KCNJ6: variants seen among roughly 807,000 people sequenced by gnomAD.
KCNJ6 encodes G protein-activated inward rectifier potassium channel 2.
A neutral mutation model predicts 34.2 loss-of-function variants in KCNJ6; 9 were observed. That is an observed-to-expected ratio of 0.26 (90% CI 0.16 to 0.46). KCNJ6 has a LOEUF of 0.46. KCNJ6 is among the 20% of genes least tolerant of loss of function. The pLI, the probability that KCNJ6 is intolerant of heterozygous loss-of-function variation, is 1.00. For synonymous variants in KCNJ6, 196 were observed against 207.1 expected, an observed-to-expected ratio of 0.95 and a Z score of 0.46; for missense variants, 236 against 531.3, an observed-to-expected ratio of 0.44 and a Z score of 5.46.
At chr21:37,634,226 G>A (rs1224152476) in intron 3 of KCNJ6, among the ~76,000 whole-genome samples, 1 of 152,188 alleles carries the variant, frequency 6.6e-6, no homozygotes, top group Admixed American at 6.5e-5. Context: ...CACGCCCAAG[G>A]TAATGAGTAA....
At chr21:37,684,705 A>G (rs866467045) in intron 3 of KCNJ6, among the ~76,000 whole-genome samples, 8 of 152,254 alleles carry the variant, frequency 5.3e-5, no homozygotes, top group Admixed American at 2.6e-4. Context: ...GAGGAAAGCC[A>G]GATTATTCGG....
rs1210874343 is a variant in KCNJ6, at chr21:37,796,770, T to G, written c.25+43888A>C. Among the ~76,000 whole-genome samples the G allele has an allele frequency of 1.2e-4, 7 of 58,132 alleles. No individual in the cohort carries two copies. The South Asian group carries it at 3.9e-3, about 32-fold the overall frequency. 38.1% of individuals were successfully genotyped at this position (58,132 alleles called of 152,430 possible). ...GTCTCCTTTGAGTGTTTGTGGGCTTTCTTTCTTTCTTTTTTTTTTTTTTTT... is the reference window on the plus strand; with the variant it reads ...GTCTCCTTTGAGTGTTTGTGGGCTTGCTTTCTTTCTTTTTTTTTTTTTTTT... On this transcript the variant is annotated intron_variant, in intron 2 of 3. Coordinates refer to ENST00000609713, the MANE Select transcript of KCNJ6 (RefSeq NM_002240.5).
intron 1 of KCNJ6, among the ~76,000 whole-genome samples, chr21:37,853,910 C>T (rs1361530238): frequency 7.2e-6 from 1 of 139,520 alleles, no homozygotes; most frequent in Non-Finnish European, 1.5e-5. Context: ...ATTCCTAGAA[C>T]AGCCACTGAA....
At chr21:37,820,812 C>T (rs2055369838) in intron 2 of KCNJ6, among the ~76,000 whole-genome samples, 1 of 152,220 alleles carries the variant, frequency 6.6e-6, no homozygotes, top group African/African-American at 2.4e-5. Context: ...AGGAGATACA[C>T]TGACCAAAAA....
chr21:37,828,545 C>T (rs532607276), intron 2 of KCNJ6, among the ~76,000 whole-genome samples: 11 of 152,256 alleles, frequency 7.2e-5, no homozygotes, highest in African/African-American at 2.2e-4. Flanking sequence ...AGTTTCCTTT[C>T]GGTGACAAAG....
chr21:37,640,026 T>C (rs2054374238), intron 3 of KCNJ6, among the ~76,000 whole-genome samples: 1 of 152,240 alleles, frequency 6.6e-6, no homozygotes, highest in African/African-American at 2.4e-5. Flanking sequence ...ACCCAGTCTA[T>C]AGCAGTGAAA....
intron 1 of KCNJ6, among the ~76,000 whole-genome samples, chr21:37,881,515 T>C (rs942911644): frequency 4.6e-5 from 7 of 152,074 alleles, no homozygotes; most frequent in African/African-American, 1.7e-4. Flanking sequence ...CCTCTGCTTC[T>C]TTTGTTGTTG....
chr21:37,667,148 A>G (rs2054517657), intron 3 of KCNJ6, among the ~76,000 whole-genome samples: 2 of 112,072 alleles, frequency 1.8e-5, no homozygotes, highest in Non-Finnish European at 1.8e-5. Flanking sequence ...AATGAGCAAT[A>G]AATACTAAAA....
chr21:37,665,579 G>A (rs1053954533), intron 3 of KCNJ6, among the ~76,000 whole-genome samples: 5 of 152,176 alleles, frequency 3.3e-5, no homozygotes, highest in African/African-American at 9.7e-5. Flanking sequence ...CTCCATGCTG[G>A]TATGAGGTAG....
chr21:37,666,749 T>C (rs926285352), intron 3 of KCNJ6, among the ~76,000 whole-genome samples: 4 of 151,870 alleles, frequency 2.6e-5, no homozygotes, highest in Non-Finnish European at 5.9e-5. Context: ...GATCAGATTG[T>C]TACTGTGTCT....
At chr21:37,763,889 T>C (rs1354471160) in intron 2 of KCNJ6, among the ~76,000 whole-genome samples, 2 of 152,170 alleles carry the variant, frequency 1.3e-5, no homozygotes, top group Non-Finnish European at 2.9e-5. Flanking sequence ...ACATGGAACA[T>C]GTATGTTCAT....
chr21:37,902,370 C>T (rs898494584), intron 1 of KCNJ6, among the ~76,000 whole-genome samples: 7 of 152,190 alleles, frequency 4.6e-5, no homozygotes, highest in Non-Finnish European at 1.0e-4. Flanking sequence ...AGCTCTTTCC[C>T]ATGTGACATC....
intron 3 of KCNJ6, among the ~76,000 whole-genome samples, chr21:37,678,128 CAG>C (rs1219527210): frequency 5.9e-5 from 9 of 151,944 alleles, no homozygotes; most frequent in African/African-American, 2.2e-4. Context: ...GTGGTGGTGT[CAG>C]AGAAGATTTC....
chr21:37,688,423 T>A (rs938987003), intron 3 of KCNJ6, among the ~76,000 whole-genome samples: 1 of 152,178 alleles, frequency 6.6e-6, no homozygotes, highest in Non-Finnish European at 1.5e-5. Flanking sequence ...TGTTTTTTTT[T>A]ATCATCTAAT....
rs199682226 is a variant in KCNJ6 at position 37,914,917 on chromosome 21, T to G, written c.-28+967A>C. ...ACTCCCAAACACTGGAGTTGTGGGG[T>G]TTTTTTTTTTTTCTCTTCCTTTTTT... On this transcript the variant is annotated intron_variant, in intron 1 of 3. Transcript: ENST00000609713. Among the ~76,000 whole-genome samples the G allele has an allele frequency of 3.9e-3, 237 of 61,432 alleles. 1 individual carries two copies. Among genetic ancestry groups the G allele is most frequent in the African/African-American group, 0.028 (120 of 4,260 alleles). 40.3% of individuals were successfully genotyped at this position (61,432 alleles called of 152,430 possible).
intron 2 of KCNJ6, among the ~76,000 whole-genome samples, chr21:37,827,140 G>C (rs1208273238): frequency 1.3e-5 from 2 of 152,198 alleles, no homozygotes; most frequent in African/African-American, 4.8e-5. Flanking sequence ...CAACTAAGCA[G>C]GGAATGATAT....
At chr21:37,793,568 A>AG (rs1413077383) in intron 2 of KCNJ6, among the ~76,000 whole-genome samples, 1 of 151,320 alleles carries the variant, frequency 6.6e-6, no homozygotes, top group East Asian at 1.9e-4. Flanking sequence ...AAAAAAAAAA[A>AG]AAAGAGTGAG....
intron 1 of KCNJ6, among the ~76,000 whole-genome samples, chr21:37,894,081 C>G (rs940655151): frequency 6.6e-6 from 1 of 152,196 alleles, no homozygotes. Flanking sequence ...CTTGCTTAAC[C>G]ATTCAACAAA....
At chr21:37,659,485 T>C (rs2054478499) in intron 3 of KCNJ6, among the ~76,000 whole-genome samples, 1 of 152,018 alleles carries the variant, frequency 6.6e-6, no homozygotes, top group South Asian at 2.1e-4. Context: ...AGGTCTGAGA[T>C]GTGACAGAGA....
Sources: allele counts gnomAD v4.1 joint callset (sites outside exome capture counted in the v4.1 genomes callset), GRCh38; gene constraint gnomAD v4.1.1; transcripts MANE v1.5; gene names NCBI Gene and HGNC (gene_info 2026-07-23, HGNC 2026-07-21).